Variants in RSU1 observed in about 807,000 individuals in gnomAD.
RSU1 encodes the protein Ras suppressor protein 1.
In RSU1, 26 loss-of-function variants were observed where a neutral mutation model predicts 31.1. The observed-to-expected ratio is 0.84, with a 90% CI of 0.61 to 1.16. The LOEUF (loss-of-function observed/expected upper bound fraction) is 1.16, where lower values mean the gene tolerates loss of function less well. Ranked by LOEUF, RSU1 falls within the 50% of genes most tolerant of loss-of-function variation. The pLI is 0.00. For synonymous variants in RSU1, 164 were observed against 136.3 expected (o/e 1.20, Z -1.41); for missense variants, 320 against 339.1 (o/e 0.94, Z 0.44).
At chr10:16,608,078 G>A (rs1385208682) in intron 8 of RSU1, among the ~76,000 whole-genome samples, 3 of 151,904 alleles carry the variant, frequency 2.0e-5, no homozygotes, top group Non-Finnish European at 2.9e-5. Context: ...CCATCCACCC[G>A]CCTTGGCCTC....
intron 8 of RSU1, among the ~76,000 whole-genome samples, chr10:16,600,550 ACG>A (rs1281114865): frequency 7.4e-6 from 1 of 134,242 alleles, no homozygotes; most frequent in African/African-American, 3.4e-5. Flanking sequence ...TATTACTGAC[ACG>A]TGTTTTTTTT....
At chr10:16,630,273 A>G (rs1834226582) in intron 8 of RSU1, among the ~76,000 whole-genome samples, 1 of 152,180 alleles carries the variant, frequency 6.6e-6, no homozygotes, top group East Asian at 1.9e-4. Context: ...GTATCATATC[A>G]TATGTGTTGC....
intron 8 of RSU1, among the ~76,000 whole-genome samples, chr10:16,694,600 C>T (rs975630060): frequency 1.3e-5 from 2 of 151,998 alleles, no homozygotes; most frequent in Non-Finnish European, 2.9e-5. Context: ...GAGAAAGGGT[C>T]GTGCTCTCTC....
At chr10:16,777,318 T>C (rs1837553317) in intron 3 of RSU1, among the ~76,000 whole-genome samples, 1 of 151,974 alleles carries the variant, frequency 6.6e-6, no homozygotes. Context: ...AGCAGTATAA[T>C]TCTTTCAACG....
chr10:16,592,819 G>A lies in RSU1; in HGVS notation c.*575C>T, dbSNP rs1833531755. 6.6e-6 allele frequency: 1 copy of A among 152,202 alleles called. No homozygotes were observed. Among genetic ancestry groups the A allele is most frequent in the Non-Finnish European group, 1.5e-5 (1 of 68,044 alleles). 9.4% of individuals were successfully genotyped at this position (152,202 alleles called of 1,614,324 possible). A position where few individuals can be genotyped will look rare whatever the true frequency, so the allele number is the denominator to read the frequency against. ...TTATCATGTATAACCAATAAAATTG[G>A]ATAAGATGATTTTGGGGGAGAAAAG... On this transcript the variant is annotated 3_prime_UTR_variant, in exon 9 of 9. Coordinates refer to ENST00000345264, the MANE Select transcript of RSU1 (RefSeq NM_012425.4).
At chr10:16,627,121 A>C (rs1366382283) in intron 8 of RSU1, among the ~76,000 whole-genome samples, 1 of 152,230 alleles carries the variant, frequency 6.6e-6, no homozygotes, top group Non-Finnish European at 1.5e-5. Flanking sequence ...GACCAGTTCT[A>C]GTGTGAGTAG....
chr10:16,682,602 G>T (rs964600951), intron 8 of RSU1, among the ~76,000 whole-genome samples: 6 of 148,470 alleles, frequency 4.0e-5, no homozygotes, highest in African/African-American at 1.5e-4. Context: ...GTGGACATGC[G>T]TTCCTCCTCT....
At chr10:16,709,192 G>A (rs1010015598) in intron 7 of RSU1, among the ~76,000 whole-genome samples, 34 of 134,824 alleles carry the variant, frequency 2.5e-4, no homozygotes, top group African/African-American at 7.0e-4. Flanking sequence ...TCCCCTTCCC[G>A]TGTCCATGTG....
intron 7 of RSU1, among the ~76,000 whole-genome samples, chr10:16,726,249 T>C (rs1167341790): frequency 1.3e-5 from 2 of 151,662 alleles, no homozygotes; most frequent in East Asian, 1.9e-4. Flanking sequence ...TACCTTTCTG[T>C]CTATCTTAGG....
At chr10:16,808,721 C>T (rs1320532335) in intron 2 of RSU1, among the ~76,000 whole-genome samples, 3 of 152,124 alleles carry the variant, frequency 2.0e-5, no homozygotes, top group Admixed American at 6.5e-5. Context: ...TATGTCTTCC[C>T]AAAACTAATA....
chr10:16,647,765 T>G (rs914915866), intron 8 of RSU1, among the ~76,000 whole-genome samples: 1 of 152,126 alleles, frequency 6.6e-6, no homozygotes, highest in East Asian at 1.9e-4. Flanking sequence ...GCTAACTGTA[T>G]GAATATATAA....
chr10:16,799,853 C>A (rs912477554), intron 2 of RSU1, among the ~76,000 whole-genome samples: 3 of 152,030 alleles, frequency 2.0e-5, no homozygotes, highest in African/African-American at 7.2e-5. Context: ...GGAGGGGATG[C>A]GGGGAAGTTG....
At chr10:16,657,358 GCTGT>G (rs997176042) in intron 8 of RSU1, among the ~76,000 whole-genome samples, 1 of 152,096 alleles carries the variant, frequency 6.6e-6, no homozygotes, top group African/African-American at 2.4e-5. Flanking sequence ...TAATAAATAG[GCTGT>G]CTGGTAGTAA....
At chr10:16,600,281 A>G (rs932431820) in intron 8 of RSU1, among the ~76,000 whole-genome samples, 1 of 152,006 alleles carries the variant, frequency 6.6e-6, no homozygotes, top group Non-Finnish European at 1.5e-5. Flanking sequence ...CTGAGCTGCC[A>G]CCCCAGGAAC....
Position 16,786,073 on chromosome 10 carries a change from T to A in RSU1, c.110-3989A>T, listed in dbSNP as rs115662641. On this transcript the variant is annotated intron_variant, in intron 2 of 8. Transcript: ENST00000345264. The stretch of plus-strand genomic sequence containing the variant: ...TTTCGTTGGTGACTGGCATTCTCTG[T>A]CTGCTGGATGGCACTAGTGTAAAGC... Among the ~76,000 whole-genome samples the A allele has an allele frequency of 4.3e-3, 652 of 152,296 alleles. 2 individuals are homozygous for A. The highest frequency in any genetic ancestry group is 0.014 in the African/African-American group (595 of 41,560).
intron 8 of RSU1, among the ~76,000 whole-genome samples, chr10:16,638,581 T>G (rs1211204164): frequency 6.6e-6 from 1 of 152,196 alleles, no homozygotes; most frequent in African/African-American, 2.4e-5. Flanking sequence ...TTTGAGAGGT[T>G]CGTTTTGGAT....
intron 2 of RSU1, among the ~76,000 whole-genome samples, chr10:16,784,087 A>ATT (rs60014651): frequency 2.5e-4 from 37 of 146,558 alleles, no homozygotes; most frequent in Admixed American, 4.8e-4. Flanking sequence ...TCTATGTACA[A>ATT]TTTTTTTTTT....
At position 16,724,946 on chromosome 10, in the gene RSU1, T is replaced by C. The variant is rs1836354816; in HGVS notation, c.598+27593A>G. ...AGCATACTGAATGGTTCCGTTCATG[T>C]AGAATCCCAAAACAGCAAAAGTCAA... On this transcript the variant is annotated intron_variant, in intron 7 of 8. Coordinates refer to ENST00000345264, the MANE Select transcript of RSU1 (RefSeq NM_012425.4). Among the ~76,000 whole-genome samples, 3 of 152,232 alleles carry C rather than the reference T, an allele frequency of 2.0e-5. No homozygotes were observed. In the South Asian group the frequency reaches 6.2e-4, roughly 32 times the overall value.
intron 2 of RSU1, among the ~76,000 whole-genome samples, chr10:16,796,497 A>T (rs1315900788): frequency 1.3e-5 from 2 of 152,046 alleles, no homozygotes; most frequent in Non-Finnish European, 1.5e-5. Flanking sequence ...TCCTCACCCC[A>T]AAGGCCCATT....
Sources: allele counts gnomAD v4.1 joint callset (sites outside exome capture counted in the v4.1 genomes callset), GRCh38; gene constraint gnomAD v4.1.1; transcripts MANE v1.5; gene names NCBI Gene and HGNC (gene_info 2026-07-23, HGNC 2026-07-21).